Variants in LRRC27 observed in about 807,000 individuals in gnomAD.
The protein encoded by LRRC27 is leucine rich repeat containing 27, also known as leucine-rich repeat-containing protein 27.
A neutral mutation model predicts 55.0 loss-of-function variants in LRRC27; 57 were observed. The observed-to-expected ratio is 1.04, with a 90% CI of 0.84 to 1.29. The LOEUF (loss-of-function observed/expected upper bound fraction) is 1.29. Among genes scored for constraint, LRRC27 ranks in the 50% most tolerant of loss-of-function variants. The probability of loss-of-function intolerance (pLI) is 0.00; values close to 1 mark genes in which losing one functional copy is unlikely to be tolerated. For missense variants in LRRC27, 721 were observed against 651.5 expected (o/e 1.11, Z -1.16); for synonymous variants, 278 against 251.9 (o/e 1.10, Z -0.98).
Position 132,356,255 on chromosome 10 carries a change from A to G in LRRC27, c.1170+369A>G, listed in dbSNP as rs574600708. On this transcript the variant is annotated intron_variant, in intron 8 of 10. Transcript: ENST00000368614. ...GAGATGAGGGGAAAAGATTCAAAAG[A>G]TAAAAAGCAGCTGAGGTCGAGGTGA... Among the ~76,000 whole-genome samples, 18 of 152,356 alleles carry G rather than the reference A, an allele frequency of 1.2e-4. 1 individual carries two copies. The highest frequency in any genetic ancestry group is 9.1e-4 in the Admixed American group (14 of 15,308).
In LRRC27 at chr10:132,375,064, A is replaced by C; in HGVS notation, c.1417-2A>C. ...CATCTCCCCCTCCTTGTCTCCCATA[A>C]GGCCACAGAGCTACAGGATGAAGTA... On this transcript the variant is annotated splice_acceptor_variant, in intron 10 of 10. Transcript: ENST00000368614. LOFTEE classifies it high-confidence loss of function. The C allele has an allele frequency of 6.2e-7, 1 of 1,608,044 alleles. No individual in the cohort carries two copies. Among genetic ancestry groups the C allele is most frequent in the Non-Finnish European group, 8.5e-7 (1 of 1,176,128 alleles).
At chr10:132,363,821 G>C (rs1267343701) in intron 9 of LRRC27, among the ~76,000 whole-genome samples, 2 of 152,122 alleles carry the variant, frequency 1.3e-5, no homozygotes, top group Non-Finnish European at 2.9e-5. Context: ...GGGTGAGGTG[G>C]GATGAGATGT....
At chr10:132,360,694 A>G (rs1277544957) in intron 8 of LRRC27, among the ~76,000 whole-genome samples, 1 of 152,182 alleles carries the variant, frequency 6.6e-6, no homozygotes, top group Non-Finnish European at 1.5e-5. Context: ...TTTGGAGGAG[A>G]GAATGGCAGA....
At chr10:132,370,804 G>A (rs1036929903) in intron 10 of LRRC27, among the ~76,000 whole-genome samples, 2 of 152,206 alleles carry the variant, frequency 1.3e-5, no homozygotes, top group Non-Finnish European at 2.9e-5. Flanking sequence ...GCCTACACAG[G>A]CCCACTAGCA....
At chr10:132,365,403 T>A in intron 9 of LRRC27, 21 bp from the exon 10 acceptor site, 4 of 1,612,974 alleles carry the variant, frequency 2.5e-6, no homozygotes, top group Non-Finnish European at 3.4e-6. Flanking sequence ...GTCATTTCCC[T>A]CTTTGCCCTT....
At chr10:132,362,542 T>G (rs2133046876) in intron 9 of LRRC27, among the ~76,000 whole-genome samples, 1 of 152,216 alleles carries the variant, frequency 6.6e-6, no homozygotes, top group East Asian at 1.9e-4. Flanking sequence ...GGTGGGTCCC[T>G]GGCTGGGCCT....
chr10:132,352,985 G>A (rs772536601), intron 7 of LRRC27: 28 of 1,613,042 alleles, frequency 1.7e-5, no homozygotes, highest in South Asian at 3.3e-5. Context: ...ACCACCTTGC[G>A]AGGTGTGTTG....
intron 7 of LRRC27, among the ~76,000 whole-genome samples, chr10:132,352,729 A>C (rs370424426): frequency 6.6e-6 from 1 of 151,964 alleles, no homozygotes; most frequent in African/African-American, 2.4e-5. Context: ...CGTTGCGTGC[A>C]TGGGCTCCCT....
chr10:132,364,445 A>ACGTCCACACTTACACC (rs1564853403), intron 9 of LRRC27, among the ~76,000 whole-genome samples: 1 of 118,260 alleles, frequency 8.5e-6, no homozygotes, highest in African/African-American at 3.6e-5. Context: ...ATCTACCTCC[A>ACGTCCACACTTACACC]CACCCACACT....
chr10:132,345,150 A>G (rs761990718), intron 5 of LRRC27, among the ~76,000 whole-genome samples: 2 of 152,228 alleles, frequency 1.3e-5, no homozygotes, highest in African/African-American at 2.4e-5. Context: ...TCAGATGCTC[A>G]TGATGTGTTC....
At chr10:132,369,433 A>C (rs1302506837) in intron 10 of LRRC27, among the ~76,000 whole-genome samples, 2 of 152,240 alleles carry the variant, frequency 1.3e-5, no homozygotes, top group Non-Finnish European at 2.9e-5. Flanking sequence ...TAGCACTGAA[A>C]GGAAATGAGC....
chr10:132,337,186 CG>C (rs915824224), intron 2 of LRRC27: 1 of 1,168,346 alleles, frequency 8.6e-7, no homozygotes, highest in African/African-American at 1.6e-5. Context: ...CAGGCGATTT[CG>C]GGGGCTGCCG....
chr10:132,349,200 A>T lies in LRRC27; in HGVS notation c.926+844A>T, dbSNP rs2067882409. The T allele has an allele frequency of 1.0e-5, 7 of 669,260 alleles. No homozygotes were observed. In the Admixed American group the frequency reaches 1.6e-4, roughly 16 times the overall value. The allele number at this position is 669,260 out of a possible 1,614,324, so 41.5% of individuals were successfully genotyped here. On this transcript the variant is annotated intron_variant, in intron 6 of 10. Transcript: ENST00000368614. ...CTCAAGGGGCACATTGTCATAGCCG[A>T]GGGGACAACAATGGCTTCCTGGGGG...
In LRRC27 at chr10:132,344,562, CGTT is replaced by C. The variant is rs1564829254; in HGVS notation, c.468_470del (p.Val157del). Reference sequence around the variant, plus strand: ...GCCCTCTGGAATTCCCTCCTCAGCTCGTTGTGCAGAAGGGATTGGTGGCTATCC... The same window carrying C: ...GCCCTCTGGAATTCCCTCCTCAGCTCGTGCAGAAGGGATTGGTGGCTATCC... On this transcript the variant is annotated inframe_deletion, in exon 5 of 11. Coordinates refer to ENST00000368614, the MANE Select transcript of LRRC27 (RefSeq NM_030626.3). The C allele has an allele frequency of 6.2e-7, 1 of 1,614,122 alleles. No homozygotes were observed. Among genetic ancestry groups the C allele is most frequent in the Non-Finnish European group, 8.5e-7 (1 of 1,179,996 alleles).
intron 3 of LRRC27, among the ~76,000 whole-genome samples, chr10:132,339,654 G>T (rs898646760): frequency 3.3e-5 from 5 of 152,222 alleles, no homozygotes; most frequent in Admixed American, 2.0e-4. Flanking sequence ...CTGAGGCTGA[G>T]AGTGCTTTGG....
chr10:132,353,025 C>T (rs929383455), intron 7 of LRRC27: 2 of 1,592,336 alleles, frequency 1.3e-6, no homozygotes, highest in Admixed American at 3.6e-5. Flanking sequence ...TCAGTGTCTT[C>T]TCTGTCCTCC....
chr10:132,354,165 C>G (rs1300961957), intron 7 of LRRC27, among the ~76,000 whole-genome samples: 3 of 152,222 alleles, frequency 2.0e-5, no homozygotes. Context: ...CTCTTACCCC[C>G]AGACAACAGG....
chr10:132,373,075 G>A (rs2069254557), intron 10 of LRRC27, among the ~76,000 whole-genome samples: 1 of 152,222 alleles, frequency 6.6e-6, no homozygotes, highest in African/African-American at 2.4e-5. Flanking sequence ...CGTAGGAATA[G>A]ACAAGTCTGC....
At chr10:132,345,465 C>G (rs1339843643) in intron 5 of LRRC27, among the ~76,000 whole-genome samples, 1 of 152,234 alleles carries the variant, frequency 6.6e-6, no homozygotes, top group Non-Finnish European at 1.5e-5. Context: ...GATTAAGAGT[C>G]AGCTGTTGGC....
Sources: gnomAD v4.1 joint callset for allele counts (sites outside exome capture counted in the v4.1 genomes callset) on GRCh38, gnomAD v4.1.1 for gene constraint, MANE v1.5 for transcripts, NCBI Gene and HGNC (gene_info 2026-07-23, HGNC 2026-07-21) for gene names.